The following IL20RA variants were observed in gnomAD, a reference collection of about 807,000 sequenced individuals.
IL20RA encodes interleukin 20 receptor subunit alpha.
Under a neutral mutation model 36.5 loss-of-function variants are expected in IL20RA, and 29 were observed. The ratio of observed to expected loss-of-function variants is 0.79; its 90% CI spans 0.59 to 1.08. IL20RA has a LOEUF of 1.08. Among genes scored for constraint, IL20RA ranks in the 50% least tolerant of loss-of-function variants. IL20RA has a pLI of 0.00. For missense variants in IL20RA, 652 were observed against 668.4 expected, an observed-to-expected ratio of 0.98 and a Z score of 0.27; for synonymous variants, 279 against 267.1, an observed-to-expected ratio of 1.04 and a Z score of -0.43.
In IL20RA at chr6:137,000,136, C is replaced by T. The variant is rs1233737013; in HGVS notation, c.*1422G>A. On this transcript the variant is annotated 3_prime_UTR_variant, in exon 7 of 7. Coordinates refer to ENST00000316649, the MANE Select transcript of IL20RA (RefSeq NM_014432.4). ...ACACTCTGATTAATATAATTACTCC[C>T]TAAATTAAACCATTAGATCTGAAAC... The T allele has an allele frequency of 6.6e-6, 1 of 152,142 alleles. No individual in the cohort carries two copies. Among genetic ancestry groups the T allele is most frequent in the East Asian group, 1.9e-4 (1 of 5,202 alleles). The allele number at this position is 152,142 out of a possible 1,614,324, so 9.4% of individuals were successfully genotyped here. A position where few individuals can be genotyped will look rare whatever the true frequency, so the allele number is the denominator to read the frequency against.
chr6:137,037,630 C>A (rs1265309228), intron 1 of IL20RA, among the ~76,000 whole-genome samples: 1 of 152,132 alleles, frequency 6.6e-6, no homozygotes, highest in Non-Finnish European at 1.5e-5. Context: ...GTAAATGAAC[C>A]TTCCAAGGTT....
At position 137,044,679 on chromosome 6, in the gene IL20RA, AGCGGCG is replaced by A. The variant is rs1272742644; in HGVS notation, c.44_49del (p.Pro15_Pro16del). The stretch of plus-strand genomic sequence containing the variant: ...AGGCGCCGCCAGGAGCAACAGCAGC[AGCGGCG>A]GCAGCGGCAGCGGCCGCAGGGCCGG... On this transcript the variant is annotated inframe_deletion, in exon 1 of 7. Transcript: ENST00000316649. 78 of 1,222,978 alleles carry A rather than the reference AGCGGCG, an allele frequency of 6.4e-5. No homozygotes were observed. Among genetic ancestry groups the A allele is most frequent in the Non-Finnish European group, 7.5e-5 (74 of 983,614 alleles). 75.8% of individuals were successfully genotyped at this position (1,222,978 alleles called of 1,614,324 possible).
In IL20RA at chr6:137,012,234, C is replaced by T. The variant is rs180830134; in HGVS notation, c.225-782G>A. Among the ~76,000 whole-genome samples the T allele has an allele frequency of 3.3e-5, 5 of 152,102 alleles. No homozygotes were observed. The East Asian group carries it at 7.7e-4, about 24-fold the overall frequency. On this transcript the variant is annotated intron_variant, in intron 2 of 6. Transcript: ENST00000316649. Reference sequence around the variant, plus strand: ...CAGTGGTCCAGGGGAAGATGTAGGTCGCTTGGACAAGGACAGGGGCAGTAG... The same window carrying T: ...CAGTGGTCCAGGGGAAGATGTAGGTTGCTTGGACAAGGACAGGGGCAGTAG...
intron 2 of IL20RA, among the ~76,000 whole-genome samples, chr6:137,014,203 T>C (rs1775593436): frequency 6.6e-6 from 1 of 152,236 alleles, no homozygotes; most frequent in South Asian, 2.1e-4. Flanking sequence ...TGGTTTTAGT[T>C]ATCTGAATTT....
At chr6:137,022,611 T>C (rs1775942989) in intron 1 of IL20RA, among the ~76,000 whole-genome samples, 4 of 152,154 alleles carry the variant, frequency 2.6e-5, no homozygotes, top group Non-Finnish European at 5.9e-5. Flanking sequence ...TGTTCCTCTC[T>C]TGCAAAAACA....
At chr6:137,034,007 C>A (rs1296240180) in intron 1 of IL20RA, among the ~76,000 whole-genome samples, 9 of 152,176 alleles carry the variant, frequency 5.9e-5, no homozygotes, top group Admixed American at 5.9e-4. Flanking sequence ...ACTGGGTTGA[C>A]TCAGGAAGTG....
intron 1 of IL20RA, chr6:137,044,121 T>C: frequency 1.0e-6 from 1 of 985,596 alleles, no homozygotes; most frequent in Non-Finnish European, 1.2e-6. Context: ...CTGGATCATG[T>C]TCCTTCGGGG....
chr6:137,009,931 C>T (rs185885764), intron 3 of IL20RA, among the ~76,000 whole-genome samples: 22 of 152,200 alleles, frequency 1.4e-4, no homozygotes, highest in Non-Finnish European at 1.8e-4. Context: ...ACAGGAGATG[C>T]CCCAAAATGT....
intron 1 of IL20RA, among the ~76,000 whole-genome samples, chr6:137,031,820 C>T (rs982295750): frequency 2.0e-5 from 3 of 152,118 alleles, no homozygotes; most frequent in Non-Finnish European, 4.4e-5. Context: ...TTTGGGAGGC[C>T]GAGGTTGGCA....
intron 1 of IL20RA, chr6:137,044,381 T>A: frequency 9.9e-7 from 1 of 1,009,658 alleles, no homozygotes; most frequent in Non-Finnish European, 1.2e-6. Context: ...CCACCTCAAT[T>A]CTCGAGACCG....
rs369313136 is a variant in IL20RA, at chr6:137,034,809, G to A, written c.88+9832C>T. Among the ~76,000 whole-genome samples the A allele has an allele frequency of 1.1e-3, 163 of 152,222 alleles. 4 individuals are homozygous for A. In the East Asian group the frequency reaches 0.021, roughly 19 times the overall value. ...TAAAAAAAAAAATGAGCCGGGCGTG[G>A]TGGCGGGCGCCTGTAGTCCTAGCTA... On this transcript the variant is annotated intron_variant, in intron 1 of 6. Coordinates refer to ENST00000316649, the MANE Select transcript of IL20RA (RefSeq NM_014432.4).
chr6:137,013,993 T>G (rs1775585197), intron 2 of IL20RA, among the ~76,000 whole-genome samples: 1 of 152,236 alleles, frequency 6.6e-6, no homozygotes, highest in Non-Finnish European at 1.5e-5. Flanking sequence ...AAAAATCCCT[T>G]TCTGGATCAC....
intron 1 of IL20RA, among the ~76,000 whole-genome samples, chr6:137,031,339 C>G (rs1268512264): frequency 1.3e-5 from 2 of 152,186 alleles, no homozygotes; most frequent in Non-Finnish European, 2.9e-5. Flanking sequence ...GCACTGCTAG[C>G]TCAAAGATCA....
At chr6:137,031,060 T>G (rs1212875380) in intron 1 of IL20RA, among the ~76,000 whole-genome samples, 1 of 152,246 alleles carries the variant, frequency 6.6e-6, no homozygotes, top group East Asian at 1.9e-4. Flanking sequence ...ATTGTTATTA[T>G]ATGAATAACT....
Position 137,008,877 on chromosome 6 carries a change from T to TTC in IL20RA, c.580-135_580-134insGA, listed in dbSNP as rs1775370026. On this transcript the variant is annotated intron_variant, in intron 4 of 6. Transcript: ENST00000316649. ...CTATCAGTATAAGCTTTTTTTTTTT[T>TTC]TTTTTTTTTCAGCAACAGTTTCAAT... 6.6e-6 allele frequency: 4 copies of TTC among 608,338 alleles called. No homozygotes were observed. In the Admixed American group the frequency reaches 1.6e-4, roughly 25 times the overall value. 37.7% of individuals were successfully genotyped at this position (608,338 alleles called of 1,614,324 possible). A position where few individuals can be genotyped will look rare whatever the true frequency, so the allele number is the denominator to read the frequency against.
Position 137,005,286 on chromosome 6 carries a change from C to T in IL20RA, c.725-526G>A, listed in dbSNP as rs796426061. On this transcript the variant is annotated intron_variant, in intron 5 of 6. Coordinates refer to ENST00000316649, the MANE Select transcript of IL20RA (RefSeq NM_014432.4). ...GCAGAACTGTTCTTGCACTGTTTGG[C>T]TGGACTTTCTGGGTAGGGCTGGAGC... 7.2e-5 allele frequency among the ~76,000 whole-genome samples: 11 copies of T among 152,314 alleles called. 1 individual carries two copies. The highest frequency in any genetic ancestry group is 2.2e-4 in the African/African-American group (9 of 41,556).
intron 1 of IL20RA, among the ~76,000 whole-genome samples, chr6:137,031,680 A>C (rs1776288495): frequency 6.6e-6 from 1 of 152,248 alleles, no homozygotes; most frequent in South Asian, 2.1e-4. Flanking sequence ...CCCATCATCA[A>C]GTGATGCTTC....
chr6:137,023,373 G>C (rs534018899), intron 1 of IL20RA, among the ~76,000 whole-genome samples: 2 of 152,308 alleles, frequency 1.3e-5, no homozygotes, highest in Admixed American at 6.5e-5. Context: ...AATCTAAGGA[G>C]TACAAAGGAG....
chr6:137,009,003 G>C, intron 4 of IL20RA: 1 of 552,484 alleles, frequency 1.8e-6, no homozygotes, highest in Non-Finnish European at 3.2e-6. Context: ...TCATTGTCCT[G>C]GGTCCTTGCT....
Sources: gnomAD v4.1 joint callset for allele counts (sites outside exome capture counted in the v4.1 genomes callset) on GRCh38, gnomAD v4.1.1 for gene constraint, MANE v1.5 for transcripts, NCBI Gene and HGNC (gene_info 2026-07-23, HGNC 2026-07-21) for gene names.